Variants in RELN observed in about 807,000 individuals in gnomAD.
RELN encodes the protein reelin.
Under a neutral mutation model 427.6 loss-of-function variants are expected in RELN, and 108 were observed. That is an observed-to-expected ratio of 0.25 (90% confidence interval 0.22 to 0.30). RELN has a LOEUF of 0.30. Ranked by LOEUF, RELN falls within the 10% of genes least tolerant of loss-of-function variation. RELN has a pLI of 1.00. For synonymous variants in RELN, 1,524 were observed against 1,513.4 expected (o/e 1.01, Z -0.16); for missense variants, 3,715 against 4,302.8 (o/e 0.86, Z 3.82).
intron 28 of RELN, among the ~76,000 whole-genome samples, chr7:103,584,128 G>C (rs368427637): frequency 1.3e-5 from 2 of 152,302 alleles, no homozygotes; most frequent in East Asian, 3.9e-4. Context: ...GTACTGCAAG[G>C]TCCCCCAGTT....
intron 63 of RELN, among the ~76,000 whole-genome samples, chr7:103,480,248 T>C (rs1451752512): frequency 6.6e-6 from 1 of 152,206 alleles, no homozygotes; most frequent in Non-Finnish European, 1.5e-5. Context: ...ATATACATCC[T>C]CTGAAGCAAA....
At chr7:103,686,829 TAGAA>T (rs1389717710) in intron 10 of RELN, among the ~76,000 whole-genome samples, 6 of 152,176 alleles carry the variant, frequency 3.9e-5, no homozygotes, top group Non-Finnish European at 5.9e-5. Flanking sequence ...AAACTTAAAA[TAGAA>T]AGAGAACGAT....
At chr7:103,821,487 C>CT (rs765464179) in intron 3 of RELN, among the ~76,000 whole-genome samples, 4 of 152,122 alleles carry the variant, frequency 2.6e-5, no homozygotes, top group Non-Finnish European at 4.4e-5. Context: ...TGTATTGCTA[C>CT]TTTTTGGTTT....
At chr7:103,584,047 C>T (rs1831214658) in intron 28 of RELN, among the ~76,000 whole-genome samples, 1 of 152,130 alleles carries the variant, frequency 6.6e-6, no homozygotes. Flanking sequence ...TCTCCACATC[C>T]TAGGAGTTCC....
chr7:103,882,203 A>G (rs1277251129), intron 2 of RELN, among the ~76,000 whole-genome samples: 3 of 152,142 alleles, frequency 2.0e-5, no homozygotes, highest in Non-Finnish European at 4.4e-5. Context: ...TTCCAATCTA[A>G]ATCTCTAGCT....
At chr7:103,697,531 T>C (rs146440382) in intron 10 of RELN, among the ~76,000 whole-genome samples, 119 of 152,260 alleles carry the variant, frequency 7.8e-4, no homozygotes, top group African/African-American at 2.8e-3. Flanking sequence ...TGCTGACATA[T>C]TTAACTCCCC....
chr7:103,688,953 T>C (rs1318809936), intron 10 of RELN, among the ~76,000 whole-genome samples: 1 of 152,088 alleles, frequency 6.6e-6, no homozygotes, highest in Non-Finnish European at 1.5e-5. Flanking sequence ...ATAGTAAAGG[T>C]AGTAAAGGGG....
chr7:103,753,136 T>G (rs376455126), intron 5 of RELN, 46 bp downstream of exon 5: 2 of 1,596,836 alleles, frequency 1.3e-6, no homozygotes, highest in African/African-American at 2.7e-5. Flanking sequence ...GCCAAACAAG[T>G]AGATCAAGTA....
chr7:103,734,986 A>G (rs1374759029), intron 6 of RELN, among the ~76,000 whole-genome samples: 3 of 152,160 alleles, frequency 2.0e-5, no homozygotes, highest in Non-Finnish European at 2.9e-5. Context: ...GTACACGACA[A>G]TCATATTCAG....
chr7:103,566,291 G>A lies in RELN; in HGVS notation c.4869C>T (p.Ile1623=), dbSNP rs767809768. Residue 1623 remains isoleucine, a synonymous_variant, in exon 33 of 65, where the codon ATC becomes ATT. Transcript: ENST00000428762. ...AGTCAATATCAACTTGACCTCCTTG[G>A]ATTCGATACCAGTTGGCTTGCAAAT... is the stretch of plus-strand genomic sequence containing the variant. ...SIDLQANWYR[I]QGGQVDIDCL... is the part of the protein sequence containing the mutation. 1.2e-6 allele frequency: 2 copies of A among 1,613,840 alleles called. No homozygotes were observed. The highest frequency in any genetic ancestry group is 1.7e-6 in the Non-Finnish European group (2 of 1,179,956).
Position 103,640,141 on chromosome 7 carries a change from C to A in RELN, c.2069+402G>T, listed in dbSNP as rs1832668217. On this transcript the variant is annotated intron_variant, in intron 17 of 64. Coordinates refer to ENST00000428762, the MANE Select transcript of RELN (RefSeq NM_005045.4). The surrounding 1 kb of genome is among the most constrained non-coding windows in gnomAD (Gnocchi z 4.1). ...TCAAATCTGCTAAATTTGGTCCAGTCCAGTTTCCTTTAGCATTGGATCTAT... is the reference window on the plus strand; with the variant it reads ...TCAAATCTGCTAAATTTGGTCCAGTACAGTTTCCTTTAGCATTGGATCTAT... Among the ~76,000 whole-genome samples, 1 of 152,110 alleles carries A rather than the reference C, an allele frequency of 6.6e-6. No individual in the cohort carries two copies. The highest frequency in any genetic ancestry group is 2.1e-4 in the South Asian group (1 of 4,818).
At chr7:103,854,288 T>C (rs1298561273) in intron 2 of RELN, among the ~76,000 whole-genome samples, 3 of 152,132 alleles carry the variant, frequency 2.0e-5, no homozygotes, top group Non-Finnish European at 2.9e-5. Flanking sequence ...TAAATAATCG[T>C]TTGGTTAGGT....
chr7:103,622,961 T>A (rs957812888), intron 20 of RELN, among the ~76,000 whole-genome samples: 1 of 152,196 alleles, frequency 6.6e-6, no homozygotes, highest in Non-Finnish European at 1.5e-5. Flanking sequence ...GCTGAATGTA[T>A]AAATTAGTCT....
chr7:103,550,613 C>CTT (rs556298996), intron 41 of RELN, among the ~76,000 whole-genome samples: 20 of 122,644 alleles, frequency 1.6e-4, no homozygotes, highest in South Asian at 2.7e-4. Flanking sequence ...AACGTGCTAA[C>CTT]TTTTTTTTTT....
chr7:103,480,077 A>G (rs1463011687), intron 63 of RELN, among the ~76,000 whole-genome samples: 1 of 152,166 alleles, frequency 6.6e-6, no homozygotes, highest in African/African-American at 2.4e-5. Context: ...TAGGGTTTGT[A>G]TCTCTTAAGA....
At chr7:103,722,752 A>G (rs1790109275) in intron 8 of RELN, among the ~76,000 whole-genome samples, 1 of 152,198 alleles carries the variant, frequency 6.6e-6, no homozygotes, top group Non-Finnish European at 1.5e-5. Context: ...TTCGGTTACC[A>G]GTAATTATCT....
intron 1 of RELN, among the ~76,000 whole-genome samples, chr7:103,958,451 G>C (rs1796480552): frequency 6.6e-6 from 1 of 152,160 alleles, no homozygotes; most frequent in Non-Finnish European, 1.5e-5. Flanking sequence ...ATATGAAGCA[G>C]CTTCATAGGT....
intron 10 of RELN, among the ~76,000 whole-genome samples, chr7:103,693,711 C>T (rs1833920290): frequency 6.6e-6 from 1 of 152,108 alleles, no homozygotes; most frequent in African/African-American, 2.4e-5. Context: ...AGCATGGAGG[C>T]AGCATAATGT....
rs1382636279 is a variant in RELN at position 103,833,547 on chromosome 7, C to T, written c.463G>A (p.Val155Met). The T allele has an allele frequency of 6.2e-7, 1 of 1,614,030 alleles. No individual in the cohort carries two copies. The highest frequency in any genetic ancestry group is 1.1e-5 in the South Asian group (1 of 91,078). Residue 155 changes from valine to methionine, a missense_variant, in exon 3 of 65, where the codon GTG becomes ATG. Coordinates refer to ENST00000428762, the MANE Select transcript of RELN (RefSeq NM_005045.4). ...ACTTTGGGTACTTACATGAAATTCA[C>T]ACAGCCTGTGCCCGCAGGTGGAGCA... is the stretch of plus-strand genomic sequence containing the variant. ...WIAPPAGTGCVNFMATATHRG... is the reference protein window; with the variant it reads ...WIAPPAGTGCMNFMATATHRG...
Sources: allele counts gnomAD v4.1 joint callset (sites outside exome capture counted in the v4.1 genomes callset), GRCh38; gene constraint gnomAD v4.1.1; non-coding constraint Gnocchi (gnomAD v3.1); transcripts MANE v1.5; gene names NCBI Gene and HGNC (gene_info 2026-07-23, HGNC 2026-07-21).